Variants in PDE4D observed in about 807,000 individuals in gnomAD.
PDE4D encodes phosphodiesterase 4D, also known as 3',5'-cyclic-AMP phosphodiesterase 4D.
Under a neutral mutation model 87.4 loss-of-function variants are expected in PDE4D, and 24 were observed. That is an observed-to-expected ratio of 0.27 (90% CI 0.20 to 0.39). The LOEUF (loss-of-function observed/expected upper bound fraction) is 0.39, where lower values mean the gene tolerates loss of function less well. PDE4D is among the 10% of genes least tolerant of loss of function. The pLI, the probability that PDE4D is intolerant of heterozygous loss-of-function variation, is 1.00. For synonymous variants in PDE4D, 384 were observed against 383.2 expected (o/e 1.00, Z -0.02); for missense variants, 714 against 1,041.0 (o/e 0.69, Z 4.32).
chr5:59,783,678 C>A (rs13155799), intron 1 of PDE4D, among the ~76,000 whole-genome samples: 73,542 of 152,052 alleles, frequency 0.48, 18,705 homozygotes, highest in African/African-American at 0.61. Context: ...AGTAAGATTC[C>A]ATTCAGATGT....
chr5:59,514,168 C>CAT (rs1562314382), intron 1 of PDE4D, among the ~76,000 whole-genome samples: 11 of 149,530 alleles, frequency 7.4e-5, no homozygotes, highest in Non-Finnish European at 1.2e-4. Flanking sequence ...TGCAGTGGTG[C>CAT]GATCTCGGCT....
rs561700313 is a variant in PDE4D at position 60,034,199 on chromosome 5, A to G, written c.43-45482T>C. Among the ~76,000 whole-genome samples, 24 of 152,356 alleles carry G rather than the reference A, an allele frequency of 1.6e-4. No individual in the cohort carries two copies. In the Middle Eastern group the frequency reaches 0.01, roughly 65 times the overall value. On this transcript the variant is annotated intron_variant, in intron 2 of 16. Coordinates refer to the PDE4D transcript ENST00000502484. ...TTTGGGGGATGGTAAAGACTTCAAC[A>G]TAGCTAGAGACAGGGTTATGGATGG...
At chr5:59,824,809 A>T (rs1770127305) in intron 1 of PDE4D, among the ~76,000 whole-genome samples, 1 of 152,084 alleles carries the variant, frequency 6.6e-6, no homozygotes, top group South Asian at 2.1e-4. Flanking sequence ...CCCAGCTCAA[A>T]TTCTCACTAC....
At chr5:59,397,879 T>TA in intron 1 of PDE4D, among the ~76,000 whole-genome samples, 1 of 121,700 alleles carries the variant, frequency 8.2e-6, no homozygotes, top group Non-Finnish European at 1.7e-5. Flanking sequence ...ATAGATGCAA[T>TA]AAAAAATGAT....
intron 2 of PDE4D, 35 bp downstream of exon 2, chr5:59,215,742 C>A: frequency 6.3e-7 from 1 of 1,579,952 alleles, no homozygotes; most frequent in South Asian, 1.1e-5. Flanking sequence ...TAAATTTACT[C>A]GGTTTTCTCT....
At chr5:59,715,295 C>A (rs938751322) in intron 1 of PDE4D, among the ~76,000 whole-genome samples, 10 of 152,192 alleles carry the variant, frequency 6.6e-5, no homozygotes, top group Admixed American at 6.5e-4. Context: ...GTCTTGAGAC[C>A]AGCAGTCCTA....
chr5:60,319,704 T>C (rs1487425857), intron 1 of PDE4D, among the ~76,000 whole-genome samples: 1 of 152,206 alleles, frequency 6.6e-6, no homozygotes, highest in Admixed American at 6.5e-5. Flanking sequence ...TTCTAACAGT[T>C]AGGACCCTCA....
chr5:59,301,093 A>G (rs1561912489), intron 1 of PDE4D, among the ~76,000 whole-genome samples: 1 of 152,012 alleles, frequency 6.6e-6, no homozygotes, highest in Non-Finnish European at 1.5e-5. Context: ...AGCTCACTGA[A>G]CCCTGTCCTT....
chr5:59,815,266 C>T (rs1011812504), intron 1 of PDE4D, among the ~76,000 whole-genome samples: 1 of 152,186 alleles, frequency 6.6e-6, no homozygotes, highest in African/African-American at 2.4e-5. Flanking sequence ...ATCTCTGAAA[C>T]TATTTCATAG....
At chr5:60,308,272 T>C (rs891961608) in intron 1 of PDE4D, among the ~76,000 whole-genome samples, 10 of 152,248 alleles carry the variant, frequency 6.6e-5, no homozygotes, top group African/African-American at 2.4e-4. Context: ...TGTTTGACTT[T>C]CCAGCTAACC....
chr5:59,380,463 T>A (rs1377922425), intron 1 of PDE4D, among the ~76,000 whole-genome samples: 1 of 151,724 alleles, frequency 6.6e-6, no homozygotes, highest in Non-Finnish European at 1.5e-5. Flanking sequence ...ATGTGGCTAT[T>A]ATTACAGCAA....
intron 1 of PDE4D, among the ~76,000 whole-genome samples, chr5:59,510,446 C>T (rs1015406573): frequency 2.7e-5 from 4 of 150,774 alleles, no homozygotes; most frequent in South Asian, 2.1e-4. Flanking sequence ...TTGACACAAA[C>T]GAGATACAGA....
intron 1 of PDE4D, among the ~76,000 whole-genome samples, chr5:60,325,950 A>G (rs1019521411): frequency 1.3e-5 from 2 of 152,168 alleles, no homozygotes; most frequent in Admixed American, 1.3e-4. Flanking sequence ...TTTTCCATTC[A>G]GCATAATTCT....
chr5:59,111,532 A>G (rs2153439096), intron 5 of PDE4D, among the ~76,000 whole-genome samples: 1 of 152,288 alleles, frequency 6.6e-6, no homozygotes, highest in African/African-American at 2.4e-5. Flanking sequence ...CATTTATACA[A>G]ATTCAGTTTA....
intron 1 of PDE4D, among the ~76,000 whole-genome samples, chr5:59,823,343 CT>C (rs899959493): frequency 4.0e-5 from 6 of 151,792 alleles, no homozygotes; most frequent in African/African-American, 7.2e-5. Flanking sequence ...ATAATGCATT[CT>C]TTTTTTTTCC....
chr5:59,101,721 T>C (rs990751562), intron 5 of PDE4D, among the ~76,000 whole-genome samples: 2 of 152,102 alleles, frequency 1.3e-5, no homozygotes, highest in African/African-American at 2.4e-5. Flanking sequence ...TTTTTTTTTT[T>C]TTAAGTGCAT....
chr5:59,973,828 G>C (rs902028874), intron 3 of PDE4D, among the ~76,000 whole-genome samples: 1 of 152,072 alleles, frequency 6.6e-6, no homozygotes, highest in Non-Finnish European at 1.5e-5. Context: ...GTTTCAAACA[G>C]TGTAAATTAA....
rs180724348 is a variant in PDE4D, at chr5:59,471,310, C to T, written c.456-255342G>A. ...TTTAATTGCAGGTGAGCCTGTATTG[C>T]CATTTTAAAAGATTTTTCCAAGTCT... On this transcript the variant is annotated intron_variant, in intron 1 of 14. Coordinates refer to ENST00000340635, the MANE Select transcript of PDE4D (RefSeq NM_001104631.2). 1.3e-3 allele frequency among the ~76,000 whole-genome samples: 197 copies of T among 152,186 alleles called. 1 individual carries two copies. Among genetic ancestry groups the T allele is most frequent in the African/African-American group, 4.5e-3 (185 of 41,526 alleles).
chr5:59,671,709 G>A (rs991832058), intron 1 of PDE4D, among the ~76,000 whole-genome samples: 1 of 151,632 alleles, frequency 6.6e-6, no homozygotes. Flanking sequence ...TTGAGAGGCT[G>A]AGGTGGGAGG....
Sources: gnomAD v4.1 joint callset for allele counts (sites outside exome capture counted in the v4.1 genomes callset) on GRCh38, gnomAD v4.1.1 for gene constraint, MANE v1.5 for transcripts, NCBI Gene and HGNC (gene_info 2026-07-23, HGNC 2026-07-21) for gene names.